Variants in RALGPS1 observed in about 807,000 individuals in gnomAD.
RALGPS1 encodes Ral GEF with PH domain and SH3 binding motif 1.
A neutral mutation model predicts 78.8 loss-of-function variants in RALGPS1; 19 were observed. The observed-to-expected ratio is 0.24, with a 90% confidence interval of 0.17 to 0.35. The LOEUF (loss-of-function observed/expected upper bound fraction) is 0.35. Among genes scored for constraint, RALGPS1 ranks in the 10% least tolerant of loss-of-function variants. The pLI is 1.00. For missense variants in RALGPS1, 454 were observed against 688.3 expected (o/e 0.66, Z 3.81); for synonymous variants, 228 against 256.3 (o/e 0.89, Z 1.06).
In RALGPS1 at chr9:127,211,090, T is replaced by C. The variant is rs940458385; in HGVS notation, c.1248-1041T>C. Among the ~76,000 whole-genome samples the C allele has an allele frequency of 3.3e-5, 5 of 152,182 alleles. No individual in the cohort carries two copies. Among genetic ancestry groups the C allele is most frequent in the Non-Finnish European group, 7.3e-5 (5 of 68,030 alleles). ...CCCAGCAAAGGGACAGCATGGGCTA[T>C]GAGGCAGGAAGAGCTGGGTGATTCG... On this transcript the variant is annotated intron_variant, in intron 14 of 18. Coordinates refer to ENST00000259351, the MANE Select transcript of RALGPS1 (RefSeq NM_014636.3). The surrounding 1 kb of genome is among the most constrained non-coding windows in gnomAD (Gnocchi z 5.0).
At chr9:126,990,797 G>A (rs2042217586) in intron 4 of RALGPS1, among the ~76,000 whole-genome samples, 1 of 152,182 alleles carries the variant, frequency 6.6e-6, no homozygotes, top group African/African-American at 2.4e-5. Context: ...CTCCTGGTTT[G>A]TGAACTCCAG....
intron 11 of RALGPS1, among the ~76,000 whole-genome samples, chr9:127,181,856 GC>G (rs902013204): frequency 6.6e-6 from 1 of 151,724 alleles, no homozygotes; most frequent in Non-Finnish European, 1.5e-5. Flanking sequence ...TTTGAGTCTT[GC>G]CTCTTCTGCT....
intron 8 of RALGPS1, among the ~76,000 whole-genome samples, chr9:127,119,046 T>C (rs991180480): frequency 7.2e-5 from 11 of 152,152 alleles, no homozygotes; most frequent in Admixed American, 1.3e-4. Flanking sequence ...AGTGTTTCCC[T>C]GAGGCTCTGC....
intron 4 of RALGPS1, chr9:126,990,220 G>A (rs2042164611): frequency 3.6e-6 from 2 of 554,044 alleles, no homozygotes; most frequent in Non-Finnish European, 6.3e-6. Context: ...CCTCTCTCAG[G>A]TCACATGCTG....
intron 7 of RALGPS1, among the ~76,000 whole-genome samples, chr9:127,061,497 TC>T (rs2049208915): frequency 6.6e-6 from 1 of 152,208 alleles, no homozygotes; most frequent in South Asian, 2.1e-4. Context: ...CCACACTTTG[TC>T]CAAAGGTGAG....
intron 1 of RALGPS1, among the ~76,000 whole-genome samples, chr9:126,943,900 C>G (rs1053518172): frequency 6.6e-6 from 1 of 152,198 alleles, no homozygotes; most frequent in Non-Finnish European, 1.5e-5. Flanking sequence ...TGTGGGTATC[C>G]TGTTCTGCCA....
chr9:127,028,078 A>G (rs1402324094), intron 4 of RALGPS1, among the ~76,000 whole-genome samples: 1 of 152,180 alleles, frequency 6.6e-6, no homozygotes, highest in Non-Finnish European at 1.5e-5. Context: ...TCTGGATCCT[A>G]TTATCCCTTT....
At chr9:127,173,407 G>A (rs1435687710) in intron 10 of RALGPS1, among the ~76,000 whole-genome samples, 1 of 152,130 alleles carries the variant, frequency 6.6e-6, no homozygotes, top group Admixed American at 6.5e-5. Context: ...TGCAACTCTT[G>A]GTCCAGTTTC....
At chr9:127,185,419 C>T (rs1196908798) in intron 11 of RALGPS1, among the ~76,000 whole-genome samples, 8 of 152,222 alleles carry the variant, frequency 5.3e-5, no homozygotes, top group Non-Finnish European at 1.0e-4. Context: ...TCTGTGTTCT[C>T]ACGTGCACCG....
chr9:127,167,508 T>C (rs2059354963), intron 9 of RALGPS1, among the ~76,000 whole-genome samples: 1 of 152,208 alleles, frequency 6.6e-6, no homozygotes, highest in South Asian at 2.1e-4. Context: ...GGTTTTCTCA[T>C]GCATGAAAAT....
At chr9:127,120,237 G>A (rs1249309591) in intron 8 of RALGPS1, among the ~76,000 whole-genome samples, 1 of 152,224 alleles carries the variant, frequency 6.6e-6, no homozygotes, top group African/African-American at 2.4e-5. Context: ...GGTTCTGCTG[G>A]GGAGATCAAT....
intron 11 of RALGPS1, chr9:127,178,038 G>T: frequency 2.0e-6 from 3 of 1,496,596 alleles, no homozygotes; most frequent in South Asian, 2.4e-5. Context: ...CCATGGGCCG[G>T]CCCAGGGTCC....
At chr9:126,958,142 A>AAAAAAAAAAATAT (rs113413659) in intron 1 of RALGPS1, among the ~76,000 whole-genome samples, 893 of 76,222 alleles carry the variant, frequency 0.012, 11 homozygotes, top group South Asian at 0.023. Flanking sequence ...AAAAAAAAAA[A>AAAAAAAAAAATAT]ATATATATAT....
chr9:127,005,277 T>C (rs1564402849), intron 4 of RALGPS1, among the ~76,000 whole-genome samples: 1 of 152,232 alleles, frequency 6.6e-6, no homozygotes, highest in Non-Finnish European at 1.5e-5. Flanking sequence ...ATTGTTATAC[T>C]GCAAACCCTC....
chr9:127,209,497 A>G (rs183439740), intron 14 of RALGPS1, among the ~76,000 whole-genome samples: 7 of 152,352 alleles, frequency 4.6e-5, no homozygotes, highest in African/African-American at 1.7e-4. Flanking sequence ...GCTACAGCTC[A>G]GTATGGGTGG....
intron 4 of RALGPS1, among the ~76,000 whole-genome samples, chr9:127,031,635 T>G (rs1439605053): frequency 5.9e-5 from 9 of 152,200 alleles, no homozygotes; most frequent in Non-Finnish European, 1.0e-4. Context: ...CTGAGAGAGG[T>G]GATTTGTCTG....
intron 8 of RALGPS1, among the ~76,000 whole-genome samples, chr9:127,153,013 G>A (rs1252125057): frequency 1.3e-5 from 2 of 152,204 alleles, no homozygotes; most frequent in Non-Finnish European, 2.9e-5. Flanking sequence ...AACAATAAGT[G>A]GCAATGCCAG....
At chr9:127,066,007 C>T (rs2049660013) in intron 7 of RALGPS1, among the ~76,000 whole-genome samples, 1 of 152,196 alleles carries the variant, frequency 6.6e-6, no homozygotes, top group Non-Finnish European at 1.5e-5. Context: ...GTAAAGTTAA[C>T]TAGATTTAGC....
intron 8 of RALGPS1, among the ~76,000 whole-genome samples, chr9:127,131,026 G>C (rs1340338429): frequency 6.6e-6 from 1 of 152,208 alleles, no homozygotes; most frequent in Non-Finnish European, 1.5e-5. Context: ...ACATGCATAT[G>C]TGCACTCGCC....
Sources: allele counts gnomAD v4.1 joint callset (sites outside exome capture counted in the v4.1 genomes callset), GRCh38; gene constraint gnomAD v4.1.1; non-coding constraint Gnocchi (gnomAD v3.1); transcripts MANE v1.5; gene names NCBI Gene and HGNC (gene_info 2026-07-23, HGNC 2026-07-21).